Variants in RAD51AP1 observed in about 807,000 individuals in gnomAD.
RAD51AP1 encodes the protein RAD51-associated protein 1.
Under a neutral mutation model 34.3 loss-of-function variants are expected in RAD51AP1, and 14 were observed. The observed-to-expected ratio is 0.41, with a 90% CI of 0.27 to 0.64. The LOEUF (loss-of-function observed/expected upper bound fraction) is 0.64. Ranked by LOEUF, RAD51AP1 falls within the 30% of genes least tolerant of loss-of-function variation. RAD51AP1 has a pLI of 0.33. For missense variants in RAD51AP1, 348 were observed against 386.9 expected (o/e 0.90, Z 0.84); for synonymous variants, 114 against 129.8 (o/e 0.88, Z 0.83).
At chr12:4,546,493 C>A in intron 4 of RAD51AP1, 75 bp downstream of exon 4, 1 of 1,056,124 alleles carries the variant, frequency 9.5e-7, no homozygotes, top group Non-Finnish European at 1.4e-6. Context: ...GGTGGGCCTT[C>A]ACAGAGGAAA....
At chr12:4,551,763 A>T (rs1944549016) in intron 6 of RAD51AP1, among the ~76,000 whole-genome samples, 1 of 152,200 alleles carries the variant, frequency 6.6e-6, no homozygotes. Context: ...TTAGAGATAC[A>T]TTCTGAAGTA....
chr12:4,546,328 C>T lies in RAD51AP1; in HGVS notation c.229C>T (p.Leu77Phe), dbSNP rs766573561. 1.9e-6 allele frequency: 3 copies of T among 1,609,920 alleles called. No homozygotes were observed. Among genetic ancestry groups the T allele is most frequent in the Middle Eastern group, 2.0e-4 (1 of 5,020 alleles). Residue 77 changes from leucine to phenylalanine, a missense_variant, in exon 4 of 9, where the codon CTC becomes TTC. Leu to Phe is a conservative substitution (Grantham distance 22). Coordinates refer to ENST00000352618, the MANE Select transcript of RAD51AP1 (RefSeq NM_006479.5). ...PKKRMALDDK[L>F]YQRDLEVALA... Reference sequence around the variant, plus strand: ...TTTTAGGATGGCTTTAGATGACAAGCTCTACCAGAGAGACTTAGAAGTTGC... The same window carrying T: ...TTTTAGGATGGCTTTAGATGACAAGTTCTACCAGAGAGACTTAGAAGTTGC...
At chr12:4,554,697 C>T (rs1235822019) in intron 7 of RAD51AP1, among the ~76,000 whole-genome samples, 2 of 152,108 alleles carry the variant, frequency 1.3e-5, no homozygotes, top group African/African-American at 4.8e-5. Flanking sequence ...TGAAATTTAA[C>T]CATTAAGTGA....
At chr12:4,547,929 C>T (rs1944517786) in intron 4 of RAD51AP1, among the ~76,000 whole-genome samples, 163 bp from the exon 5 acceptor site, 1 of 152,184 alleles carries the variant, frequency 6.6e-6, no homozygotes, top group African/African-American at 2.4e-5. Flanking sequence ...AGAGCCCAGA[C>T]TTCTAACCAT....
intron 2 of RAD51AP1, among the ~76,000 whole-genome samples, chr12:4,542,671 A>G (rs1944476294): frequency 6.6e-6 from 1 of 151,580 alleles, no homozygotes; most frequent in African/African-American, 2.4e-5. Context: ...TTATTTTTAC[A>G]TGGGGAAGCA....
rs1944582836 is a variant in RAD51AP1 at position 4,556,366 on chromosome 12, C to T, written c.735C>T (p.Asp245=). Residue 245 remains aspartate (D), a synonymous_variant, in exon 8 of 9, where the codon GAC becomes GAT. Coordinates refer to ENST00000352618, the MANE Select transcript of RAD51AP1 (RefSeq NM_006479.5). ...SKCNALVTSV[D]SAPAAVKSES... ...TTTTCAAATAAGTGACTTCGGTGGACTCTGCTCCAGCTGCCGTCAAATCAG... is the reference window on the plus strand; with the variant it reads ...TTTTCAAATAAGTGACTTCGGTGGATTCTGCTCCAGCTGCCGTCAAATCAG... 3 of 1,612,998 alleles carry T rather than the reference C, an allele frequency of 1.9e-6. No individual in the cohort carries two copies. The highest frequency in any genetic ancestry group is 2.5e-6 in the Non-Finnish European group (3 of 1,179,342).
intron 8 of RAD51AP1, 72 bp from the exon 9 acceptor site, chr12:4,558,780 TGCTGC>T: frequency 6.5e-7 from 1 of 1,539,958 alleles, no homozygotes; most frequent in African/African-American, 1.4e-5. Context: ...ACCTTTTTTT[TGCTGC>T]TTATTTTATA....
Position 4,553,081 on chromosome 12 carries a change from G to C in RAD51AP1, c.655G>C (p.Glu219Gln). 1 of 1,607,364 alleles carries C rather than the reference G, an allele frequency of 6.2e-7. No homozygotes were observed. The highest frequency in any genetic ancestry group is 8.5e-7 in the Non-Finnish European group (1 of 1,177,080). The change falls in exon 7 of 9, where the codon GAA (glutamate) becomes CAA (glutamine). Residue 219 changes from glutamate (E) to glutamine (Q), a missense_variant. Coordinates refer to ENST00000352618, the MANE Select transcript of RAD51AP1 (RefSeq NM_006479.5). ...KSKVKEIKKK[E>Q]VKVKSPVEKK... ...TAAAGTTAAAGAAATTAAAAAGAAAGAAGTGAAGGTAAAATCCCCAGTAGA... is the reference window on the plus strand; with the variant it reads ...TAAAGTTAAAGAAATTAAAAAGAAACAAGTGAAGGTAAAATCCCCAGTAGA...
In RAD51AP1 at chr12:4,559,398, C is replaced by T. The variant is rs1348001977; in HGVS notation, c.*405C>T. 1.3e-5 allele frequency: 2 copies of T among 154,416 alleles called. No homozygotes were observed. The highest frequency in any genetic ancestry group is 2.9e-5 in the Non-Finnish European group (2 of 69,686). 9.6% of individuals were successfully genotyped at this position (154,416 alleles called of 1,614,324 possible). A position where few individuals can be genotyped will look rare whatever the true frequency, so the allele number is the denominator to read the frequency against. ...TTCTTTCAGAAGACATTTCTGAAATCTTATAAGCTACTTAAGCTACGTTGT... is the reference window on the plus strand; with the variant it reads ...TTCTTTCAGAAGACATTTCTGAAATTTTATAAGCTACTTAAGCTACGTTGT... On this transcript the variant is annotated 3_prime_UTR_variant, in exon 9 of 9. Transcript: ENST00000352618.
intron 1 of RAD51AP1, among the ~76,000 whole-genome samples, chr12:4,541,217 T>C (rs1442346840): frequency 6.6e-6 from 1 of 152,156 alleles, no homozygotes; most frequent in Non-Finnish European, 1.5e-5. Context: ...GATGCTCAGC[T>C]GGTAAGTATA....
Position 4,555,578 on chromosome 12 carries a change from A to G in RAD51AP1, c.722-775A>G, listed in dbSNP as rs114502280. On this transcript the variant is annotated intron_variant, in intron 7 of 8. Coordinates refer to ENST00000352618, the MANE Select transcript of RAD51AP1 (RefSeq NM_006479.5). ...TCTACACCCAGTGTCTATCTCTCAC[A>G]TTTCCTACCCTTGAGATTTCTGCTC... Among the ~76,000 whole-genome samples the G allele has an allele frequency of 1.7e-3, 265 of 152,248 alleles. 1 individual carries two copies. Among genetic ancestry groups the G allele is most frequent in the African/African-American group, 6.1e-3 (252 of 41,552 alleles).
rs768197912 is a variant in RAD51AP1, at chr12:4,556,349, T to A, written c.722-4T>A. 2 of 1,607,116 alleles carry A rather than the reference T, an allele frequency of 1.2e-6. No individual in the cohort carries two copies. The highest frequency in any genetic ancestry group is 1.7e-6 in the Non-Finnish European group (2 of 1,176,636). On this transcript the variant is annotated splice_polypyrimidine_tract_variant and splice_region_variant and intron_variant, in intron 7 of 8. Transcript: ENST00000352618. ...AACATTTTTACGTATATTTTTCAAA[T>A]AAGTGACTTCGGTGGACTCTGCTCC... is the stretch of plus-strand genomic sequence containing the variant.
At chr12:4,557,912 TG>T (rs1944593820) in intron 8 of RAD51AP1, among the ~76,000 whole-genome samples, 1 of 152,186 alleles carries the variant, frequency 6.6e-6, no homozygotes, top group East Asian at 1.9e-4. Context: ...ATCTGATTGC[TG>T]TTTTCAAGAG....
At chr12:4,553,234 T>G (rs1344041385) in intron 7 of RAD51AP1, 87 bp downstream of exon 7, 14 of 1,174,078 alleles carry the variant, frequency 1.2e-5, no homozygotes, top group Non-Finnish European at 1.6e-5. Flanking sequence ...CTTTGTTCTC[T>G]TTAACATTTT....
At chr12:4,556,316 G>T (rs1565527751) in intron 7 of RAD51AP1, 37 bp from the exon 8 acceptor site, 6 of 1,505,492 alleles carry the variant, frequency 4.0e-6, no homozygotes, top group Non-Finnish European at 4.6e-6. Context: ...TTTTCTTCCT[G>T]CATGACAAAC....
intron 3 of RAD51AP1, chr12:4,545,979 T>C: frequency 1.0e-6 from 1 of 967,538 alleles, no homozygotes; most frequent in Non-Finnish European, 1.5e-6. Flanking sequence ...GTGGAAGTGA[T>C]GTTTGAACCA....
intron 6 of RAD51AP1, 41 bp from the exon 7 acceptor site, chr12:4,552,942 C>T: frequency 1.3e-6 from 2 of 1,496,600 alleles, no homozygotes; most frequent in Non-Finnish European, 1.8e-6. Flanking sequence ...AGAATCCTCA[C>T]TTTTTAGAGC....
At chr12:4,543,486 C>A (rs1280753092) in intron 2 of RAD51AP1, among the ~76,000 whole-genome samples, 2 of 152,086 alleles carry the variant, frequency 1.3e-5, no homozygotes, top group African/African-American at 4.8e-5. Context: ...GGTTTTTAAT[C>A]ATTTTTTCTT....
chr12:4,553,328 T>A, intron 7 of RAD51AP1, 181 bp downstream of exon 7: 1 of 457,734 alleles, frequency 2.2e-6, no homozygotes, highest in Non-Finnish European at 3.9e-6. Context: ...CTGACTCCAC[T>A]ACGTATGCTA....
Sources: allele counts gnomAD v4.1 joint callset (sites outside exome capture counted in the v4.1 genomes callset), GRCh38; gene constraint gnomAD v4.1.1; transcripts MANE v1.5; gene names NCBI Gene and HGNC (gene_info 2026-07-23, HGNC 2026-07-21).